Variants in MYH9 observed in about 807,000 individuals in gnomAD.
MYH9 encodes the protein myosin heavy chain 9.
Under a neutral mutation model 241.9 loss-of-function variants are expected in MYH9, and 29 were observed. The ratio of observed to expected loss-of-function variants is 0.12; its 90% CI spans 0.09 to 0.16. The LOEUF (loss-of-function observed/expected upper bound fraction) is 0.16, where lower values mean the gene tolerates loss of function less well. Ranked by LOEUF, MYH9 falls within the 10% of genes least tolerant of loss-of-function variation. The pLI is 1.00. For missense variants in MYH9, 1,803 were observed against 2,595.5 expected (o/e 0.69, Z 6.63); for synonymous variants, 1,047 against 1,062.6 (o/e 0.99, Z 0.29).
intron 15 of MYH9, chr22:36,308,881 G>A (rs1158190123): frequency 9.1e-6 from 9 of 985,126 alleles, no homozygotes; most frequent in Non-Finnish European, 9.6e-6. Context: ...CTGCAACAGA[G>A]AGGTTAAAGC....
At chr22:36,314,113 A>C in intron 13 of MYH9, 32 bp downstream of exon 13, 1 of 1,605,506 alleles carries the variant, frequency 6.2e-7, no homozygotes, top group Non-Finnish European at 8.5e-7. Flanking sequence ...AGCCAGAGGC[A>C]GGTGTGAGGT....
Position 36,373,018 on chromosome 22 carries a change from T to A in MYH9, c.-20+14789A>T, listed in dbSNP as rs1001745074. Among the ~76,000 whole-genome samples, 49 of 152,180 alleles carry A rather than the reference T, an allele frequency of 3.2e-4. 1 individual carries two copies. Among genetic ancestry groups the A allele is most frequent in the Admixed American group, 3.1e-3 (48 of 15,276 alleles). On this transcript the variant is annotated intron_variant, in intron 1 of 40. Coordinates refer to ENST00000216181, the MANE Select transcript of MYH9 (RefSeq NM_002473.6). Reference sequence around the variant, plus strand: ...ATTTCTAGCCCCTTGACCACCCATCTTCTCCCCTTAGGCCCACCCCCAAAT... The same window carrying A: ...ATTTCTAGCCCCTTGACCACCCATCATCTCCCCTTAGGCCCACCCCCAAAT...
At chr22:36,299,902 G>A (rs1404693040) in intron 23 of MYH9, among the ~76,000 whole-genome samples, 2 of 152,160 alleles carry the variant, frequency 1.3e-5, no homozygotes, top group Non-Finnish European at 2.9e-5. Flanking sequence ...TTTCCAGAGG[G>A]GAAAGGACAA....
chr22:36,282,816 CG>C, intron 40 of MYH9, 31 bp from the exon 41 acceptor site: 1 of 1,582,204 alleles, frequency 6.3e-7, no homozygotes, highest in Non-Finnish European at 8.6e-7. Context: ...AGAGGGTCAG[CG>C]GGCCCGGCCA....
At position 36,343,625 on chromosome 22, in the gene MYH9, G is replaced by A. The variant is rs548908390; in HGVS notation, c.334-2099C>T. Among the ~76,000 whole-genome samples, 22 of 151,864 alleles carry A rather than the reference G, an allele frequency of 1.4e-4. 1 individual carries two copies. The highest frequency in any genetic ancestry group is 3.4e-3 in the Middle Eastern group (1 of 290). On this transcript the variant is annotated intron_variant, in intron 2 of 40. Coordinates refer to ENST00000216181, the MANE Select transcript of MYH9 (RefSeq NM_002473.6). ...TTGGCTGCTTGGAAAAGGAGATGCA[G>A]GGCCCTTGATTTCCTTTCTTCCTGG...
At chr22:36,304,729 C>T (rs924572147) in intron 18 of MYH9, among the ~76,000 whole-genome samples, 4 of 152,202 alleles carry the variant, frequency 2.6e-5, no homozygotes, top group African/African-American at 4.8e-5. Flanking sequence ...GAGTCAGGCC[C>T]GTGAGCAAGA....
intron 25 of MYH9, 136 bp downstream of exon 25, chr22:36,296,707 A>G (rs536838270): frequency 9.8e-7 from 1 of 1,015,678 alleles, no homozygotes; most frequent in Admixed American, 3.0e-5. Flanking sequence ...CTGTTTTGCT[A>G]TGAAATAAAT....
rs1258982191 is a variant in MYH9 at position 36,300,171 on chromosome 22, C to T, written c.2932G>A (p.Glu978Lys). The change falls in exon 23 of 41, where the codon GAG becomes AAG. Residue 978 changes from glutamate (E) to lysine (K), a missense_variant. Glu to Lys is a moderately conservative substitution (Grantham distance 56, BLOSUM62 1). This residue lies in a region of MYH9 where 290 missense variants were observed against 360.5 expected (regional missense o/e 0.80). Coordinates refer to ENST00000216181, the MANE Select transcript of MYH9 (RefSeq NM_002473.6). The surrounding 1 kb of genome is among the most constrained non-coding windows in gnomAD (Gnocchi z 5.0). ...TGGTCCTCCAGGATGATCTGCTCCT[C>T]CTCCAGCTTTTTCAGCTTCGCCTCG... ...TTEAKLKKLE[E>K]EQIILEDQNC... 6.2e-7 allele frequency: 1 copy of T among 1,613,380 alleles called. No individual in the cohort carries two copies.
intron 19 of MYH9, among the ~76,000 whole-genome samples, chr22:36,303,784 CAAAAAAAAAA>C (rs56983008): frequency 2.1e-5 from 1 of 48,432 alleles, no homozygotes; most frequent in Admixed American, 2.3e-4. Context: ...GACTCCGTCT[CAAAAAAAAAA>C]AAAAAAAAAG....
At chr22:36,301,501 T>C (rs1269591540) in intron 21 of MYH9, 33 bp downstream of exon 21, 7 of 1,611,188 alleles carry the variant, frequency 4.3e-6, no homozygotes, top group Middle Eastern at 1.6e-4. Context: ...AGGCAGGTCG[T>C]GCGACCTGGA....
chr22:36,336,608 TA>T (rs2017503697), intron 3 of MYH9, among the ~76,000 whole-genome samples: 1 of 152,116 alleles, frequency 6.6e-6, no homozygotes, highest in East Asian at 1.9e-4. Flanking sequence ...GACAACGAAT[TA>T]ACAACATGGG....
Position 36,294,932 on chromosome 22 carries a change from C to T in MYH9, c.3630G>A (p.Arg1210=). 1.2e-6 allele frequency: 2 copies of T among 1,612,848 alleles called. No individual in the cohort carries two copies. Among genetic ancestry groups the T allele is most frequent in the Non-Finnish European group, 1.7e-6 (2 of 1,180,014 alleles). The change falls in exon 27 of 41, where the codon CGG becomes CGA. Residue 1210 remains arginine (R), a splice_region_variant and synonymous_variant. Coordinates refer to ENST00000216181, the MANE Select transcript of MYH9 (RefSeq NM_002473.6). The part of the protein sequence containing the change: ...ELAEQLEQTK[R]VKANLEKAKQ... ...CTGCGGTCTCAGGGAGGCTCCGCAC[C>T]CGCTTCGTCTGCTCCAGCTGCTCCG...
At chr22:36,362,833 A>G (rs1287310760) in intron 1 of MYH9, among the ~76,000 whole-genome samples, 1 of 152,194 alleles carries the variant, frequency 6.6e-6, no homozygotes, top group African/African-American at 2.4e-5. Flanking sequence ...AGAAAGCAGC[A>G]AAAGTTTGAG....
At chr22:36,374,876 C>G (rs2018142812) in intron 1 of MYH9, among the ~76,000 whole-genome samples, 1 of 152,194 alleles carries the variant, frequency 6.6e-6, no homozygotes, top group Non-Finnish European at 1.5e-5. Flanking sequence ...CTGCCTGCGT[C>G]TGGGCAACTG....
rs1569535680 is a variant in MYH9 at position 36,314,207 on chromosome 22, C to T, written c.1492G>A (p.Glu498Lys). The T allele has an allele frequency of 1.2e-6, 2 of 1,614,226 alleles. No individual in the cohort carries two copies. Among genetic ancestry groups the T allele is most frequent in the East Asian group, 2.2e-5 (1 of 44,894 alleles). ...AGGCCAAAGTCGATGAAGTTCCACT[C>T]GATGCCCTCGCGCTGGTACTCCTCC... ...EQEEYQREGIEWNFIDFGLDL... is the reference protein window; with the variant it reads ...EQEEYQREGIKWNFIDFGLDL... Residue 498 changes from glutamate to lysine, a missense_variant, in exon 13 of 41, where the codon GAG becomes AAG. Around this residue, in one of 11 missense-constraint regions of MYH9, gnomAD observed 163 missense variants for 349.7 expected, o/e 0.47. Transcript: ENST00000216181.
intron 1 of MYH9, among the ~76,000 whole-genome samples, chr22:36,355,500 G>GTT (rs748658775): frequency 7.6e-4 from 115 of 152,228 alleles, no homozygotes; most frequent in South Asian, 1.0e-3. Flanking sequence ...CAGATCTTTG[G>GTT]TTGAAACGTT....
chr22:36,285,832 TCCC>T lies in MYH9; in HGVS notation c.5150+30_5150+32del, dbSNP rs750849625. 1 of 1,613,082 alleles carries T rather than the reference TCCC, an allele frequency of 6.2e-7. No individual in the cohort carries two copies. Among genetic ancestry groups the T allele is most frequent in the East Asian group, 2.2e-5 (1 of 44,850 alleles). On this transcript the variant is annotated intron_variant, in intron 36 of 40. Coordinates refer to ENST00000216181, the MANE Select transcript of MYH9 (RefSeq NM_002473.6). The surrounding 1 kb of genome is among the most constrained non-coding windows in gnomAD (Gnocchi z 7.0). ...GGGCCTACCCTGGGGACACACCTGG[TCCC>T]CCCCAACTCTGCCCCCTCACTCAGC...
chr22:36,366,663 T>A (rs764252066), intron 1 of MYH9, among the ~76,000 whole-genome samples: 4 of 152,036 alleles, frequency 2.6e-5, no homozygotes, highest in Non-Finnish European at 4.4e-5. Context: ...TTCCTCAGCA[T>A]CCAAGGTAAC....
intron 3 of MYH9, among the ~76,000 whole-genome samples, chr22:36,339,079 G>A (rs2017544349): frequency 6.6e-6 from 1 of 152,150 alleles, no homozygotes; most frequent in Non-Finnish European, 1.5e-5. Context: ...CCAAATTTTT[G>A]TTGTTGTTGA....
Sources: gnomAD v4.1 joint callset for allele counts (sites outside exome capture counted in the v4.1 genomes callset) on GRCh38, gnomAD v4.1.1 for gene constraint, gnomAD v4.1.1 regional missense constraint, Gnocchi (gnomAD v3.1) non-coding constraint, MANE v1.5 for transcripts, NCBI Gene and HGNC (gene_info 2026-07-23, HGNC 2026-07-21) for gene names.